Variants in KIF1A observed in about 807,000 individuals in gnomAD.
KIF1A encodes kinesin-like protein KIF1A.
A neutral mutation model predicts 227.3 loss-of-function variants in KIF1A; 46 were observed. That is an observed-to-expected ratio of 0.20 (90% CI 0.16 to 0.26). The LOEUF (loss-of-function observed/expected upper bound fraction) is 0.26. Among genes scored for constraint, KIF1A ranks in the 10% least tolerant of loss-of-function variants. KIF1A has a pLI of 1.00. For synonymous variants in KIF1A, 1,022 were observed against 1,012.8 expected (o/e 1.01, Z -0.17); for missense variants, 1,683 against 2,485.9 (o/e 0.68, Z 6.87).
At chr2:240,807,361 T>G (rs2057521925) in intron 1 of KIF1A, among the ~76,000 whole-genome samples, 1 of 152,148 alleles carries the variant, frequency 6.6e-6, no homozygotes, top group African/African-American at 2.4e-5. Context: ...CAGGCTGGTC[T>G]TGAACTCCCG....
chr2:240,781,617 C>T (rs945708035), intron 10 of KIF1A, among the ~76,000 whole-genome samples: 6 of 152,164 alleles, frequency 3.9e-5, no homozygotes, highest in African/African-American at 1.4e-4. Flanking sequence ...CAGTTCCACG[C>T]GGTTATCACC....
rs1575565794 is a variant in KIF1A, at chr2:240,747,112, A to G, written c.3063+124T>C. ...AGGCTCAGTGCTCTGGACCAGAGGG[A>G]AGAACCCCAAGAGGACTCAGGGCCC... is the stretch of plus-strand genomic sequence containing the variant. On this transcript the variant is annotated intron_variant, in intron 29 of 48. Transcript: ENST00000498729. 19 of 651,750 alleles carry G rather than the reference A, an allele frequency of 2.9e-5. No individual in the cohort carries two copies. The East Asian group carries it at 5.3e-4, about 18-fold the overall frequency. 40.4% of individuals were successfully genotyped at this position (651,750 alleles called of 1,614,324 possible). A position where few individuals can be genotyped will look rare whatever the true frequency, so the allele number is the denominator to read the frequency against.
Position 240,760,749 on chromosome 2 carries a change from C to A in KIF1A, c.2360G>T (p.Arg787Leu), listed in dbSNP as rs372487596. The change falls in exon 25 of 49, where the codon CGG becomes CTG. Residue 787 changes from arginine (R) to leucine (L), a missense_variant. By Grantham distance (102) the Arg-to-Leu change is moderately radical. Coordinates refer to ENST00000498729, the MANE Select transcript of KIF1A (RefSeq NM_001244008.2). The part of the protein sequence containing the change: ...PPEAAKDRET[R>L]PFPRTIVAVE... ...GGCCACAATGGTGCGGGGGAAGGGC[C>A]GCGTCTCTCGGTCTTTGGCGGCCTC... 1.9e-6 allele frequency: 3 copies of A among 1,600,294 alleles called. No individual in the cohort carries two copies. The highest frequency in any genetic ancestry group is 2.6e-6 in the Non-Finnish European group (3 of 1,173,488).
At chr2:240,769,326 T>C (rs888561871) in intron 16 of KIF1A, 118 bp from the exon 17 acceptor site, 2 of 823,354 alleles carry the variant, frequency 2.4e-6, no homozygotes, top group South Asian at 1.7e-5. Flanking sequence ...GTGGTGCCCA[T>C]GCGTGTCCCA....
At chr2:240,770,453 C>T (rs903366987) in intron 15 of KIF1A, among the ~76,000 whole-genome samples, 6 of 152,128 alleles carry the variant, frequency 3.9e-5, no homozygotes, top group Admixed American at 1.3e-4. Flanking sequence ...TTCTATAGGA[C>T]GCCAGGGAGG....
At position 240,757,375 on chromosome 2, in the gene KIF1A, C is replaced by T. The variant is rs534134491; in HGVS notation, c.2802G>A (p.Leu934=). The T allele has an allele frequency of 1.3e-6, 2 of 1,550,672 alleles. No homozygotes were observed. Among genetic ancestry groups the T allele is most frequent in the East Asian group, 2.4e-5 (1 of 40,892 alleles). The change falls in exon 27 of 49, where the codon CTG becomes CTA. Residue 934 remains leucine (L), a synonymous_variant. Coordinates refer to ENST00000498729, the MANE Select transcript of KIF1A (RefSeq NM_001244008.2). This position sits in a 1 kb window ranked among gnomAD's most constrained non-coding sequence, Gnocchi z 6.2. ...CGTAAAACGGGTCCCGGCCGTCGCA[C>T]AGCGCGTGCTCCGGAAAGACGTCGT... is the stretch of plus-strand genomic sequence containing the variant. ...LEDDVFPEHA[L]CDGRDPFYDR...
chr2:240,790,407 C>T lies in KIF1A; in HGVS notation c.107-1095G>A, dbSNP rs907599616. The stretch of plus-strand genomic sequence containing the variant: ...GCTGGAGATGAGGCTGTGTCTGCCC[C>T]GGATTGGTTTTCCTCAGCCAGCGTG... On this transcript the variant is annotated intron_variant, in intron 2 of 48. Transcript: ENST00000498729. This position sits in a 1 kb window ranked among gnomAD's most constrained non-coding sequence, Gnocchi z 5.0. Among the ~76,000 whole-genome samples, 5 of 151,992 alleles carry T rather than the reference C, an allele frequency of 3.3e-5. No individual in the cohort carries two copies. The highest frequency in any genetic ancestry group is 6.5e-5 in the Admixed American group (1 of 15,274).
Position 240,714,235 on chromosome 2 carries a change from CT to C in KIF1A, c.*3128del, listed in dbSNP as rs1032097359. The C allele has an allele frequency of 5.9e-5, 9 of 152,504 alleles. No individual in the cohort carries two copies. Among genetic ancestry groups the C allele is most frequent in the African/African-American group, 2.2e-4 (9 of 41,462 alleles). The allele number at this position is 152,504 out of a possible 1,614,324, so 9.4% of individuals were successfully genotyped here. The stretch of plus-strand genomic sequence containing the variant: ...GGAGGGCCACCTCATCACAGCCGTC[CT>C]GGGTGGGGGAGTTTGTGCCTGTGCA... On this transcript the variant is annotated 3_prime_UTR_variant, in exon 49 of 49. Coordinates refer to ENST00000498729, the MANE Select transcript of KIF1A (RefSeq NM_001244008.2).
chr2:240,807,124 G>GTATATATATATATA (rs1559545403), intron 1 of KIF1A, among the ~76,000 whole-genome samples: 1 of 109,678 alleles, frequency 9.1e-6, no homozygotes, highest in African/African-American at 3.9e-5. Flanking sequence ...GTGTGTGTGT[G>GTATATATATATATA]TGTGTGTATA....
Position 240,789,279 on chromosome 2 carries a change from G to T in KIF1A, c.140C>A (p.Pro47His), listed in dbSNP as rs773269605. ...GGAGTAGTCAAAGCTGAAGCTTTTG[G>T]GCGTCTCCTTGGGCTGTTTGGGGTT... The part of the protein sequence containing the change: ...IVNPKQPKET[P>H]KSFSFDYSYW... Residue 47 changes from proline to histidine, a missense_variant, in exon 3 of 49, where the codon CCC becomes CAC. By Grantham distance (77) the Pro-to-His change is moderately conservative (BLOSUM62 -2). Coordinates refer to ENST00000498729, the MANE Select transcript of KIF1A (RefSeq NM_001244008.2). The surrounding 1 kb of genome is among the most constrained non-coding windows in gnomAD (Gnocchi z 4.8). The T allele has an allele frequency of 1.2e-6, 2 of 1,613,904 alleles. No individual in the cohort carries two copies. Among genetic ancestry groups the T allele is most frequent in the Non-Finnish European group, 1.7e-6 (2 of 1,179,796 alleles).
rs1263093548 is a variant in KIF1A at position 240,792,834 on chromosome 2, G to A, written c.107-3522C>T. On this transcript the variant is annotated intron_variant, in intron 2 of 48. Transcript: ENST00000498729. This position sits in a 1 kb window ranked among gnomAD's most constrained non-coding sequence, Gnocchi z 4.5. ...GGCTTTAAAGGAGGGGAAGGGACCCGAGCTCCCTGGGCCAGGCAAGGACAC... is the reference window on the plus strand; with the variant it reads ...GGCTTTAAAGGAGGGGAAGGGACCCAAGCTCCCTGGGCCAGGCAAGGACAC... Among the ~76,000 whole-genome samples the A allele has an allele frequency of 6.6e-6, 1 of 152,112 alleles. No homozygotes were observed. Among genetic ancestry groups the A allele is most frequent in the Admixed American group, 6.5e-5 (1 of 15,272 alleles).
intron 1 of KIF1A, among the ~76,000 whole-genome samples, chr2:240,800,852 A>C (rs1246973023): frequency 6.6e-6 from 1 of 152,268 alleles, no homozygotes. Flanking sequence ...CTGAAAGCCC[A>C]GCAAGGTACG....
intron 1 of KIF1A, 130 bp from the exon 2 acceptor site, chr2:240,797,942 G>A: frequency 1.8e-6 from 1 of 551,198 alleles, no homozygotes; most frequent in South Asian, 2.5e-5. Flanking sequence ...TGCATGGGGT[G>A]GAATCCACAA....
intron 23 of KIF1A, among the ~76,000 whole-genome samples, chr2:240,762,050 G>A (rs549161495): frequency 3.3e-5 from 5 of 152,282 alleles, no homozygotes; most frequent in South Asian, 4.1e-4. Flanking sequence ...AGCACTACAC[G>A]CCTTTGGCTG....
At chr2:240,807,355 C>T (rs1489529178) in intron 1 of KIF1A, among the ~76,000 whole-genome samples, 1 of 152,028 alleles carries the variant, frequency 6.6e-6, no homozygotes, top group African/African-American at 2.4e-5. Context: ...GTTGGTCAGG[C>T]TGGTCTTGAA....
intron 32 of KIF1A, among the ~76,000 whole-genome samples, chr2:240,744,434 A>G (rs973983063): frequency 2.6e-5 from 4 of 152,142 alleles, no homozygotes; most frequent in African/African-American, 9.7e-5. Flanking sequence ...ATGTCCCCTC[A>G]CCAAATTCGT....
intron 27 of KIF1A, among the ~76,000 whole-genome samples, chr2:240,754,955 G>A (rs568006841): frequency 2.6e-5 from 4 of 152,194 alleles, no homozygotes; most frequent in East Asian, 3.9e-4. Context: ...AGACACCTGC[G>A]CTCCCTCCCC....
chr2:240,763,358 A>C lies in KIF1A; in HGVS notation c.1769-12T>G. ...GATGATGCGGTTTCCTGGGGAACAG[A>C]GGGACAGGTGGCCTTGAGGGATGGG... On this transcript the variant is annotated splice_polypyrimidine_tract_variant and intron_variant, in intron 20 of 48. Coordinates refer to ENST00000498729, the MANE Select transcript of KIF1A (RefSeq NM_001244008.2). The C allele has an allele frequency of 6.4e-7, 1 of 1,562,240 alleles. No homozygotes were observed. The highest frequency in any genetic ancestry group is 1.4e-5 in the African/African-American group (1 of 73,514).
intron 17 of KIF1A, among the ~76,000 whole-genome samples, chr2:240,767,644 C>G (rs892705950): frequency 6.6e-6 from 1 of 152,276 alleles, no homozygotes; most frequent in Non-Finnish European, 1.5e-5. Flanking sequence ...GAAGGGCAGA[C>G]AGCCCCAGCT....
Sources: allele counts gnomAD v4.1 joint callset (sites outside exome capture counted in the v4.1 genomes callset), GRCh38; gene constraint gnomAD v4.1.1; non-coding constraint Gnocchi (gnomAD v3.1); transcripts MANE v1.5; gene names NCBI Gene and HGNC (gene_info 2026-07-23, HGNC 2026-07-21).